Variants in TCF25 observed in about 807,000 individuals in gnomAD.
TCF25 encodes the protein TCF25 ribosome quality control complex subunit.
In TCF25, 41 loss-of-function variants were observed where a neutral mutation model predicts 83.1. The observed-to-expected ratio is 0.49, with a 90% CI of 0.38 to 0.64. The LOEUF is 0.64. TCF25 is among the 30% of genes least tolerant of loss of function. The pLI is 0.00. For missense variants in TCF25, 979 were observed against 914.5 expected, an observed-to-expected ratio of 1.07 and a Z score of -0.91; for synonymous variants, 458 against 365.0, an observed-to-expected ratio of 1.25 and a Z score of -2.90.
In TCF25 at chr16:89,873,954, G is replaced by A. The variant is rs1325644901; in HGVS notation, c.192+95G>A. 2.9e-6 allele frequency: 4 copies of A among 1,385,860 alleles called. No homozygotes were observed. In the South Asian group the frequency reaches 4.4e-5, roughly 15 times the overall value. 85.8% of individuals were successfully genotyped at this position (1,385,860 alleles called of 1,614,324 possible). A position where few individuals can be genotyped will look rare whatever the true frequency, so the allele number is the denominator to read the frequency against. On this transcript the variant is annotated intron_variant, in intron 1 of 17. Transcript: ENST00000263346. Reference sequence around the variant, plus strand: ...CCGGGTCGGGGAGCGGGGTTGTGATGCCAGGGGTGGGAAGGGTGACGTGGG... The same window carrying A: ...CCGGGTCGGGGAGCGGGGTTGTGATACCAGGGGTGGGAAGGGTGACGTGGG...
At chr16:89,897,527 T>C (rs1047764550) in intron 9 of TCF25, among the ~76,000 whole-genome samples, 35 of 152,280 alleles carry the variant, frequency 2.3e-4, no homozygotes, top group Non-Finnish European at 1.3e-4. Flanking sequence ...GTCTGCACTG[T>C]GTGCTGGGTC....
intron 1 of TCF25, among the ~76,000 whole-genome samples, chr16:89,876,580 C>A (rs1240154450): frequency 6.6e-6 from 1 of 152,128 alleles, no homozygotes; most frequent in South Asian, 2.1e-4. Context: ...CACCTGAGGT[C>A]AGGAGTTCGA....
chr16:89,900,931 A>T, intron 12 of TCF25, 137 bp downstream of exon 12: 1 of 1,011,096 alleles, frequency 9.9e-7, no homozygotes, highest in Non-Finnish European at 1.3e-6. Flanking sequence ...AGGGCCTGCA[A>T]ACCTGCCCTA....
intron 16 of TCF25, among the ~76,000 whole-genome samples, chr16:89,908,585 C>A: frequency 6.7e-6 from 1 of 148,834 alleles, no homozygotes; most frequent in Non-Finnish European, 1.5e-5. Flanking sequence ...CAGTTCCCAC[C>A]TCCCAGCTCC....
chr16:89,905,469 C>T (rs974484587), intron 14 of TCF25, among the ~76,000 whole-genome samples: 26 of 152,228 alleles, frequency 1.7e-4, no homozygotes, highest in Non-Finnish European at 3.5e-4. Flanking sequence ...TGTGTGTGAA[C>T]ACTTCGGAGG....
chr16:89,891,720 A>C (rs1207892959), intron 5 of TCF25, among the ~76,000 whole-genome samples: 1 of 152,182 alleles, frequency 6.6e-6, no homozygotes, highest in Non-Finnish European at 1.5e-5. Context: ...GGATATTAGT[A>C]CGTTGTTCTC....
chr16:89,891,998 C>T (rs1417797369), intron 5 of TCF25, among the ~76,000 whole-genome samples, 195 bp from the exon 6 acceptor site: 1 of 152,106 alleles, frequency 6.6e-6, no homozygotes, highest in Non-Finnish European at 1.5e-5. Flanking sequence ...CTATGGGGCC[C>T]TCCCTGCTGC....
intron 13 of TCF25, 132 bp downstream of exon 13, chr16:89,904,337 G>A (rs575755907): frequency 9.8e-7 from 1 of 1,021,402 alleles, no homozygotes; most frequent in African/African-American, 1.7e-5. Context: ...GCGGCCTCGG[G>A]GACTGTCATT....
intron 1 of TCF25, among the ~76,000 whole-genome samples, chr16:89,882,006 G>T (rs1337221747): frequency 6.6e-6 from 1 of 152,100 alleles, no homozygotes; most frequent in African/African-American, 2.4e-5. Flanking sequence ...ACCCACCTCG[G>T]CCTCCCAAAG....
In TCF25 at chr16:89,883,461, C is replaced by T. The variant is rs765546069; in HGVS notation, c.303C>T (p.Asn101=). 27 of 1,613,714 alleles carry T rather than the reference C, an allele frequency of 1.7e-5. No individual in the cohort carries two copies. The highest frequency in any genetic ancestry group is 2.2e-5 in the Non-Finnish European group (26 of 1,179,974). ...ACAAAGGAAGGGGTCAGCGTGGAAA[C>T]ACAGAGAGCAAGACGGATGGAGATG... ...PGNKGRGQRG[N]TESKTDGDDT... The change falls in exon 2 of 18, where the codon AAC becomes AAT. Residue 101 remains asparagine, a synonymous_variant. Coordinates refer to ENST00000263346, the MANE Select transcript of TCF25 (RefSeq NM_014972.3).
chr16:89,886,175 C>A, intron 4 of TCF25: 1 of 548,602 alleles, frequency 1.8e-6, no homozygotes, highest in South Asian at 1.6e-5. Context: ...CGCCTGTAAT[C>A]CCAGCACTTT....
At chr16:89,875,939 G>A (rs1479006938) in intron 1 of TCF25, among the ~76,000 whole-genome samples, 1 of 149,852 alleles carries the variant, frequency 6.7e-6, no homozygotes, top group African/African-American at 2.5e-5. Context: ...AGCCTCCTGA[G>A]CAGCTGGGAC....
chr16:89,910,497 G>A (rs1196090830), intron 16 of TCF25, 94 bp from the exon 17 acceptor site: 9 of 1,336,686 alleles, frequency 6.7e-6, no homozygotes, highest in East Asian at 4.6e-5. Context: ...GTGTCCCTGC[G>A]AGGGAGGCAG....
Position 89,910,666 on chromosome 16 carries a change from A to G in TCF25, c.1872+3A>G. 1 of 1,613,398 alleles carries G rather than the reference A, an allele frequency of 6.2e-7. No individual in the cohort carries two copies. The highest frequency in any genetic ancestry group is 8.5e-7 in the Non-Finnish European group (1 of 1,179,954). On this transcript the variant is annotated splice_donor_region_variant and intron_variant, in intron 17 of 17. Coordinates refer to ENST00000263346, the MANE Select transcript of TCF25 (RefSeq NM_014972.3). The stretch of plus-strand genomic sequence containing the variant: ...TGTTGCCAAACTATACCATGGAGGT[A>G]GGTTGAGCTCGTCCCAGCCCCTGCC...
intron 13 of TCF25, chr16:89,904,580 A>G: frequency 4.1e-6 from 2 of 484,798 alleles, no homozygotes; most frequent in Non-Finnish European, 7.6e-6. Context: ...CCCGTCTCAA[A>G]AAACAAAATA....
chr16:89,895,908 C>G (rs993759990), intron 8 of TCF25, 82 bp from the exon 9 acceptor site: 2 of 1,311,426 alleles, frequency 1.5e-6, no homozygotes, highest in Non-Finnish European at 2.2e-6. Flanking sequence ...CCAGACCTTT[C>G]CTTGTTGTCC....
At chr16:89,907,507 A>C (rs72813433) in intron 16 of TCF25, among the ~76,000 whole-genome samples, 185 bp downstream of exon 16, 12 of 4,972 alleles carry the variant, frequency 2.4e-3, no homozygotes, top group Non-Finnish European at 3.2e-3. Flanking sequence ...CCCTCCTCCC[A>C]CCTCCCACCT....
chr16:89,906,936 G>A (rs981347007), intron 15 of TCF25, among the ~76,000 whole-genome samples: 1 of 152,078 alleles, frequency 6.6e-6, no homozygotes, highest in East Asian at 1.9e-4. Flanking sequence ...CTGACACGTG[G>A]TGAAGATGTT....
chr16:89,890,884 A>G (rs2043375347), intron 5 of TCF25, among the ~76,000 whole-genome samples: 5 of 152,134 alleles, frequency 3.3e-5, no homozygotes, highest in Admixed American at 3.3e-4. Context: ...TTAAAAATTT[A>G]AGTCCTACCA....
Sources: allele counts gnomAD v4.1 joint callset (sites outside exome capture counted in the v4.1 genomes callset), GRCh38; gene constraint gnomAD v4.1.1; transcripts MANE v1.5; gene names NCBI Gene and HGNC (gene_info 2026-07-23, HGNC 2026-07-21).